The following DPYSL5 variants were observed in gnomAD, a reference collection of about 807,000 sequenced individuals.
DPYSL5 encodes dihydropyrimidinase like 5.
In DPYSL5, 9 loss-of-function variants were observed where a neutral mutation model predicts 58.4. That is an observed-to-expected ratio of 0.15 (90% CI 0.09 to 0.27). DPYSL5 has a LOEUF of 0.27. DPYSL5 is among the 10% of genes least tolerant of loss of function. DPYSL5 has a pLI of 1.00. For synonymous variants in DPYSL5, 293 were observed against 301.9 expected, an observed-to-expected ratio of 0.97 and a Z score of 0.31; for missense variants, 499 against 770.6, an observed-to-expected ratio of 0.65 and a Z score of 4.17.
At chr2:26,859,942 C>T (rs527246967) in intron 1 of DPYSL5, among the ~76,000 whole-genome samples, 33 of 152,128 alleles carry the variant, frequency 2.2e-4, no homozygotes, top group Admixed American at 1.3e-3. Context: ...GTGCCTGCAA[C>T]GGGCAGTGCG....
At chr2:26,916,954 A>G (rs1159109735) in intron 2 of DPYSL5, among the ~76,000 whole-genome samples, 1 of 152,152 alleles carries the variant, frequency 6.6e-6, no homozygotes, top group African/African-American at 2.4e-5. Context: ...CTACCTACAA[A>G]TTATGCTTCT....
At chr2:26,936,764 G>C (rs1337689126) in intron 8 of DPYSL5, among the ~76,000 whole-genome samples, 2 of 151,262 alleles carry the variant, frequency 1.3e-5, no homozygotes, top group African/African-American at 4.9e-5. Flanking sequence ...TGGCCAACAT[G>C]GTAAAATCCT....
intron 5 of DPYSL5, among the ~76,000 whole-genome samples, chr2:26,928,753 G>C (rs563460287): frequency 4.1e-5 from 3 of 72,456 alleles, no homozygotes; most frequent in African/African-American, 5.5e-5. Context: ...ACACACATAC[G>C]TGTGTGCGTG....
intron 1 of DPYSL5, among the ~76,000 whole-genome samples, chr2:26,895,620 A>G (rs923474255): frequency 4.6e-5 from 7 of 152,094 alleles, no homozygotes; most frequent in Non-Finnish European, 8.8e-5. Context: ...CAAGAATACA[A>G]TGTTATTATT....
At chr2:26,902,768 A>C (rs1390663744) in intron 2 of DPYSL5, among the ~76,000 whole-genome samples, 5 of 152,194 alleles carry the variant, frequency 3.3e-5, no homozygotes, top group Non-Finnish European at 7.3e-5. Context: ...ACAGGTCATA[A>C]AGACCTGGCT....
chr2:26,931,203 G>GTATATATATA (rs373034710), intron 5 of DPYSL5, among the ~76,000 whole-genome samples: 13 of 44,932 alleles, frequency 2.9e-4, no homozygotes, highest in East Asian at 8.3e-4. Flanking sequence ...GTGTGTGTGT[G>GTATATATATA]TATATATATA....
At chr2:26,872,430 G>A (rs1190508957) in intron 1 of DPYSL5, among the ~76,000 whole-genome samples, 2 of 152,160 alleles carry the variant, frequency 1.3e-5, no homozygotes, top group Admixed American at 6.5e-5. Flanking sequence ...GGTGGCTCAC[G>A]CCTCTAATCC....
chr2:26,906,703 A>G (rs1472447343), intron 2 of DPYSL5, among the ~76,000 whole-genome samples: 1 of 152,184 alleles, frequency 6.6e-6, no homozygotes. Flanking sequence ...TATCCTATAG[A>G]CATTTTGCCC....
At chr2:26,903,443 C>CT (rs557652228) in intron 2 of DPYSL5, among the ~76,000 whole-genome samples, 104 of 152,312 alleles carry the variant, frequency 6.8e-4, no homozygotes, top group African/African-American at 2.5e-3. Context: ...ATAGGGACCC[C>CT]TTTCCTGGAA....
At chr2:26,916,156 G>A (rs575126026) in intron 2 of DPYSL5, among the ~76,000 whole-genome samples, 2 of 151,740 alleles carry the variant, frequency 1.3e-5, no homozygotes, top group East Asian at 1.9e-4. Flanking sequence ...TCACCTCCTC[G>A]TCTGTCATCA....
At position 26,944,417 on chromosome 2, in the gene DPYSL5, C is replaced by T. The variant is rs1430786282; in HGVS notation, c.1441-239C>T. 1.3e-5 allele frequency among the ~76,000 whole-genome samples: 2 copies of T among 152,182 alleles called. No homozygotes were observed. The highest frequency in any genetic ancestry group is 2.9e-5 in the Non-Finnish European group (2 of 68,032). ...ACACATGCATGCACACACACATGTG[C>T]ACTCACATACATGCACGCATGCACA... On this transcript the variant is annotated intron_variant, in intron 11 of 12. Coordinates refer to ENST00000288699, the MANE Select transcript of DPYSL5 (RefSeq NM_020134.4). This position sits in a 1 kb window ranked among gnomAD's most constrained non-coding sequence, Gnocchi z 4.4.
chr2:26,903,095 A>G (rs1008955309), intron 2 of DPYSL5, among the ~76,000 whole-genome samples: 3 of 150,962 alleles, frequency 2.0e-5, no homozygotes, highest in South Asian at 2.1e-4. Flanking sequence ...TTTGAAATGA[A>G]GTCTCACACT....
chr2:26,896,723 T>A (rs1664030885), intron 1 of DPYSL5, among the ~76,000 whole-genome samples: 1 of 152,234 alleles, frequency 6.6e-6, no homozygotes, highest in Non-Finnish European at 1.5e-5. Flanking sequence ...ATTTTTAAAT[T>A]GAGTTGTTTT....
rs1185086698 is a variant in DPYSL5 at position 26,879,843 on chromosome 2, C to G, written c.-4-18653C>G. ...GGACAGCTAGTCCCTGCCTAGACAC[C>G]TGTCCACACCTGCTTTCTGCTCTGC... On this transcript the variant is annotated intron_variant, in intron 1 of 12. Coordinates refer to ENST00000288699, the MANE Select transcript of DPYSL5 (RefSeq NM_020134.4). Among the ~76,000 whole-genome samples, 3 of 152,204 alleles carry G rather than the reference C, an allele frequency of 2.0e-5. No individual in the cohort carries two copies. In the East Asian group the frequency reaches 5.8e-4, roughly 29 times the overall value.
intron 1 of DPYSL5, among the ~76,000 whole-genome samples, chr2:26,870,579 C>A (rs1273862298): frequency 6.6e-6 from 1 of 152,068 alleles, no homozygotes; most frequent in Non-Finnish European, 1.5e-5. Flanking sequence ...ATTGGCCATG[C>A]ACATGGCTGT....
intron 5 of DPYSL5, among the ~76,000 whole-genome samples, chr2:26,930,241 G>A (rs1402150860): frequency 3.3e-5 from 5 of 152,100 alleles, no homozygotes; most frequent in Admixed American, 6.5e-5. Context: ...GCAAGGGGTG[G>A]ACACACACAC....
chr2:26,885,558 A>T (rs1663696120), intron 1 of DPYSL5, among the ~76,000 whole-genome samples: 1 of 152,186 alleles, frequency 6.6e-6, no homozygotes, highest in African/African-American at 2.4e-5. Flanking sequence ...GGTTAATGGA[A>T]AAAGGGCCTG....
chr2:26,876,511 G>T (rs1245233674), intron 1 of DPYSL5, among the ~76,000 whole-genome samples: 1 of 151,976 alleles, frequency 6.6e-6, no homozygotes, highest in African/African-American at 2.4e-5. Context: ...ATGGTTTTGG[G>T]GTTTGTTTTT....
intron 8 of DPYSL5, among the ~76,000 whole-genome samples, chr2:26,936,313 T>G (rs1177299272): frequency 6.6e-6 from 1 of 152,120 alleles, no homozygotes; most frequent in African/African-American, 2.4e-5. Context: ...CTGTCTTAGA[T>G]AATAAGGTGC....
Sources: gnomAD v4.1 joint callset for allele counts (sites outside exome capture counted in the v4.1 genomes callset) on GRCh38, gnomAD v4.1.1 for gene constraint, Gnocchi (gnomAD v3.1) non-coding constraint, MANE v1.5 for transcripts, NCBI Gene and HGNC (gene_info 2026-07-23, HGNC 2026-07-21) for gene names.